The following AUTS2 variants were observed in gnomAD, a reference collection of about 807,000 sequenced individuals.
AUTS2 encodes autism susceptibility gene 2 protein.
AUTS2 carries 17 observed loss-of-function variants against 112.4 expected under a neutral mutation model. The ratio of observed to expected loss-of-function variants is 0.15; its 90% CI spans 0.10 to 0.23. The LOEUF (loss-of-function observed/expected upper bound fraction) is 0.23. Among genes scored for constraint, AUTS2 ranks in the 10% least tolerant of loss-of-function variants. The pLI is 1.00. For synonymous variants in AUTS2, 751 were observed against 702.7 expected, an observed-to-expected ratio of 1.07 and a Z score of -1.09; for missense variants, 1,510 against 1,701.6, an observed-to-expected ratio of 0.89 and a Z score of 1.98.
chr7:69,761,522 G>A (rs1344611329), intron 1 of AUTS2, among the ~76,000 whole-genome samples: 1 of 152,092 alleles, frequency 6.6e-6, no homozygotes, highest in Non-Finnish European at 1.5e-5. Flanking sequence ...TCATCTTTCT[G>A]TGTGATTTGT....
chr7:70,017,301 G>A (rs1419724489), intron 2 of AUTS2, among the ~76,000 whole-genome samples: 2 of 152,190 alleles, frequency 1.3e-5, no homozygotes, highest in African/African-American at 4.8e-5. Flanking sequence ...GAATGGGAGG[G>A]AGGGAGATTA....
At chr7:70,301,205 A>T (rs998718034) in intron 4 of AUTS2, among the ~76,000 whole-genome samples, 3 of 152,214 alleles carry the variant, frequency 2.0e-5, no homozygotes, top group Non-Finnish European at 2.9e-5. Flanking sequence ...GAAGGGAGGA[A>T]AATGTCAGCA....
At chr7:69,797,456 G>A (rs569320901) in intron 1 of AUTS2, among the ~76,000 whole-genome samples, 7 of 152,282 alleles carry the variant, frequency 4.6e-5, no homozygotes, top group East Asian at 1.9e-4. Flanking sequence ...CCCCTTCACA[G>A]GTACGTGAAG....
intron 1 of AUTS2, among the ~76,000 whole-genome samples, chr7:69,788,806 A>G (rs940931094): frequency 4.6e-5 from 7 of 152,130 alleles, no homozygotes; most frequent in African/African-American, 1.7e-4. Flanking sequence ...CCCCTTAAAA[A>G]AAGAATAATC....
intron 1 of AUTS2, among the ~76,000 whole-genome samples, chr7:69,866,963 G>A (rs1793263663): frequency 6.6e-6 from 1 of 152,190 alleles, no homozygotes; most frequent in South Asian, 2.1e-4. Flanking sequence ...CCTGGAAAAA[G>A]GACCCATGTA....
At chr7:69,621,898 TTTTC>T (rs370711459) in intron 1 of AUTS2, among the ~76,000 whole-genome samples, 1 of 152,076 alleles carries the variant, frequency 6.6e-6, no homozygotes, top group South Asian at 2.1e-4. Context: ...GGGCTTTTTT[TTTTC>T]TTTCTTTCTT....
intron 4 of AUTS2, among the ~76,000 whole-genome samples, chr7:70,311,876 T>G (rs1194073506): frequency 6.6e-6 from 1 of 152,202 alleles, no homozygotes; most frequent in Non-Finnish European, 1.5e-5. Flanking sequence ...CCACCACGCC[T>G]GGCTAATTTT....
At chr7:70,054,735 C>A (rs1162267646) in intron 2 of AUTS2, among the ~76,000 whole-genome samples, 1 of 152,126 alleles carries the variant, frequency 6.6e-6, no homozygotes, top group Admixed American at 6.5e-5. Context: ...ATTACATAAT[C>A]CTAGGCTCCA....
chr7:70,720,268 T>A (rs1810592697), intron 6 of AUTS2, among the ~76,000 whole-genome samples: 1 of 152,024 alleles, frequency 6.6e-6, no homozygotes, highest in Non-Finnish European at 1.5e-5. Flanking sequence ...TTTTGTTTGC[T>A]CTAATATTCA....
At chr7:70,692,657 T>C (rs1248899671) in intron 5 of AUTS2, among the ~76,000 whole-genome samples, 2 of 152,146 alleles carry the variant, frequency 1.3e-5, no homozygotes, top group African/African-American at 4.8e-5. Context: ...CACATTGTGC[T>C]ACCAGTTTGG....
chr7:70,709,053 G>T (rs1809899075), intron 6 of AUTS2, among the ~76,000 whole-genome samples: 1 of 151,692 alleles, frequency 6.6e-6, no homozygotes, highest in Admixed American at 6.6e-5. Context: ...GAGTAGCTGG[G>T]ATTACAGGTG....
At chr7:70,003,682 TTA>T (rs1434468970) in intron 2 of AUTS2, among the ~76,000 whole-genome samples, 2 of 125,370 alleles carry the variant, frequency 1.6e-5, no homozygotes, top group Non-Finnish European at 1.6e-5. Context: ...TATGAATGTG[TTA>T]TATATGAATA....
At chr7:69,953,678 T>C (rs1433725211) in intron 2 of AUTS2, among the ~76,000 whole-genome samples, 1 of 152,210 alleles carries the variant, frequency 6.6e-6, no homozygotes, top group Non-Finnish European at 1.5e-5. Context: ...TAGAACTCTT[T>C]GGGTACATAA....
At chr7:70,118,737 A>T (rs889324836) in intron 3 of AUTS2, 12 of 152,382 alleles carry the variant, frequency 7.9e-5, no homozygotes, top group Non-Finnish European at 1.8e-4. Flanking sequence ...ATATTGTGCC[A>T]CTGTACTCAG....
At chr7:70,058,432 A>T (rs148681711) in intron 2 of AUTS2, among the ~76,000 whole-genome samples, 1 of 152,138 alleles carries the variant, frequency 6.6e-6, no homozygotes, top group East Asian at 1.9e-4. Context: ...TTAGGTTTCC[A>T]TGTACCCCCC....
At position 69,956,049 on chromosome 7, in the gene AUTS2, C is replaced by T. The variant is rs1002404646; in HGVS notation, c.522+56551C>T. Among the ~76,000 whole-genome samples, 5 of 152,036 alleles carry T rather than the reference C, an allele frequency of 3.3e-5. No individual in the cohort carries two copies. In the East Asian group the frequency reaches 9.7e-4, roughly 29 times the overall value. On this transcript the variant is annotated intron_variant, in intron 2 of 18. Transcript: ENST00000342771. The stretch of plus-strand genomic sequence containing the variant: ...GTTTGGGGATTGTGTCTTCCCTAGT[C>T]GACACACCTTGACAGTGTAGAACCA...
chr7:69,650,873 AC>A (rs1318347635), intron 1 of AUTS2, among the ~76,000 whole-genome samples: 7 of 152,060 alleles, frequency 4.6e-5, no homozygotes, highest in Non-Finnish European at 1.0e-4. Context: ...ACCTGGGCTT[AC>A]CTCAGTTTTT....
Position 70,580,713 on chromosome 7 carries a change from T to G in AUTS2, c.691-117856T>G, listed in dbSNP as rs112277441. Among the ~76,000 whole-genome samples, 221 of 152,256 alleles carry G rather than the reference T, an allele frequency of 1.5e-3. 1 individual carries two copies. Among genetic ancestry groups the G allele is most frequent in the African/African-American group, 4.9e-3 (203 of 41,540 alleles). On this transcript the variant is annotated intron_variant, in intron 5 of 18. Transcript: ENST00000342771. ...AAAAAGACATTTTTTCTTGAGAACA[T>G]GGGAACACTACAAACCTTCAAGGCA...
intron 1 of AUTS2, among the ~76,000 whole-genome samples, chr7:69,623,388 T>G: frequency 7.2e-6 from 1 of 139,086 alleles, no homozygotes; most frequent in East Asian, 2.1e-4. Flanking sequence ...GCAATTTTTT[T>G]TTTTTTTTTT....
Sources: gnomAD v4.1 joint callset for allele counts (sites outside exome capture counted in the v4.1 genomes callset) on GRCh38, gnomAD v4.1.1 for gene constraint, MANE v1.5 for transcripts, NCBI Gene and HGNC (gene_info 2026-07-23, HGNC 2026-07-21) for gene names.